CSGALNACT1: variants seen among roughly 807,000 people sequenced by gnomAD.
CSGALNACT1 encodes the protein chondroitin sulfate N-acetylgalactosaminyltransferase 1, also known as beta4GalNAcT-1.
Under a neutral mutation model 51.0 loss-of-function variants are expected in CSGALNACT1, and 52 were observed. The ratio of observed to expected loss-of-function variants is 1.02; its 90% CI spans 0.82 to 1.29. The LOEUF is 1.29. CSGALNACT1 is among the 50% of genes most tolerant of loss of function. CSGALNACT1 has a pLI of 0.00. For missense variants in CSGALNACT1, 935 were observed against 679.2 expected (o/e 1.38, Z -4.19); for synonymous variants, 341 against 254.4 (o/e 1.34, Z -3.24).
chr8:19,716,574 T>A (rs1223999979), intron 1 of CSGALNACT1, among the ~76,000 whole-genome samples: 1 of 118,814 alleles, frequency 8.4e-6, no homozygotes, highest in Non-Finnish European at 1.6e-5. Flanking sequence ...TGCCAGGAGT[T>A]CAAGGCCAGC....
intron 1 of CSGALNACT1, among the ~76,000 whole-genome samples, chr8:19,724,993 T>C (rs1348834502): frequency 6.6e-6 from 1 of 152,180 alleles, no homozygotes; most frequent in African/African-American, 2.4e-5. Flanking sequence ...TGATCTCTCC[T>C]CCCTGGCTTC....
intron 1 of CSGALNACT1, among the ~76,000 whole-genome samples, chr8:19,691,420 C>G (rs1328059467): frequency 6.6e-6 from 1 of 152,150 alleles, no homozygotes; most frequent in Non-Finnish European, 1.5e-5. Context: ...GGCCCAATTT[C>G]TTAAAACAAA....
chr8:19,583,951 G>C (rs1461644317), intron 3 of CSGALNACT1, among the ~76,000 whole-genome samples: 1 of 152,194 alleles, frequency 6.6e-6, no homozygotes, highest in African/African-American at 2.4e-5. Flanking sequence ...GCACCCTGCA[G>C]CCTTTGCGGC....
At chr8:19,586,701 A>G (rs1417660021) in intron 3 of CSGALNACT1, among the ~76,000 whole-genome samples, 2 of 152,290 alleles carry the variant, frequency 1.3e-5, no homozygotes, top group South Asian at 2.1e-4. Context: ...AGTACTTCTC[A>G]TAGACTGCTG....
intron 6 of CSGALNACT1, among the ~76,000 whole-genome samples, chr8:19,435,461 C>A (rs1011674608): frequency 2.0e-5 from 3 of 150,718 alleles, no homozygotes; most frequent in Non-Finnish European, 4.4e-5. Context: ...CCACTGCACT[C>A]CAGCCTGGTA....
At chr8:19,408,268 C>A (rs2054752912) in intron 9 of CSGALNACT1, among the ~76,000 whole-genome samples, 2 of 152,096 alleles carry the variant, frequency 1.3e-5, no homozygotes, top group Admixed American at 1.3e-4. Flanking sequence ...CCACCTACTA[C>A]CAGGCCCCCT....
intron 5 of CSGALNACT1, among the ~76,000 whole-genome samples, chr8:19,441,548 C>T (rs1316675492): frequency 1.3e-5 from 2 of 152,182 alleles, no homozygotes; most frequent in African/African-American, 2.4e-5. Flanking sequence ...CCCTTCCTTA[C>T]ACCTTATACA....
intron 4 of CSGALNACT1, among the ~76,000 whole-genome samples, chr8:19,482,109 A>C (rs943036210): frequency 1.3e-5 from 2 of 152,134 alleles, no homozygotes; most frequent in African/African-American, 4.8e-5. Context: ...AGAGCTCAGC[A>C]CAGCTACCGC....
At chr8:19,731,415 C>G (rs963398264) in intron 1 of CSGALNACT1, among the ~76,000 whole-genome samples, 1 of 152,204 alleles carries the variant, frequency 6.6e-6, no homozygotes, top group East Asian at 1.9e-4. Flanking sequence ...GGCTAAGGCA[C>G]GAGACTCCCT....
At chr8:19,688,507 C>A (rs1427705944) in intron 1 of CSGALNACT1, among the ~76,000 whole-genome samples, 1 of 152,136 alleles carries the variant, frequency 6.6e-6, no homozygotes, top group Non-Finnish European at 1.5e-5. Flanking sequence ...TAACCAGTGC[C>A]CATTGTATAT....
At chr8:19,460,846 T>C (rs2065206844) in intron 4 of CSGALNACT1, among the ~76,000 whole-genome samples, 1 of 152,168 alleles carries the variant, frequency 6.6e-6, no homozygotes, top group Non-Finnish European at 1.5e-5. Flanking sequence ...TTTCATCCTA[T>C]AGCACTGGTT....
chr8:19,689,271 G>A (rs1019786714), intron 1 of CSGALNACT1, among the ~76,000 whole-genome samples: 1 of 152,138 alleles, frequency 6.6e-6, no homozygotes, highest in Non-Finnish European at 1.5e-5. Flanking sequence ...GTATGACAAG[G>A]TCCAGGCAGC....
chr8:19,507,785 C>A (rs1228733125), intron 3 of CSGALNACT1, among the ~76,000 whole-genome samples: 1 of 152,124 alleles, frequency 6.6e-6, no homozygotes, highest in Non-Finnish European at 1.5e-5. Flanking sequence ...GCATCACCAC[C>A]CCTGGCTAAT....
intron 3 of CSGALNACT1, among the ~76,000 whole-genome samples, chr8:19,507,461 A>C (rs554421846): frequency 7.0e-6 from 1 of 142,012 alleles, no homozygotes; most frequent in African/African-American, 2.7e-5. Context: ...TTTCCACAGC[A>C]CACTCCTCTT....
At chr8:19,550,959 G>A (rs1419222880) in intron 3 of CSGALNACT1, among the ~76,000 whole-genome samples, 5 of 152,150 alleles carry the variant, frequency 3.3e-5, no homozygotes, top group African/African-American at 4.8e-5. Flanking sequence ...GTCCAGACAC[G>A]TGGTTAGAAT....
intron 3 of CSGALNACT1, among the ~76,000 whole-genome samples, chr8:19,567,690 G>C (rs994389587): frequency 6.6e-6 from 1 of 152,132 alleles, no homozygotes; most frequent in Non-Finnish European, 1.5e-5. Context: ...AAATTAGAAT[G>C]TCATTATTTA....
intron 4 of CSGALNACT1, among the ~76,000 whole-genome samples, chr8:19,475,808 T>C (rs1241512268): frequency 6.6e-6 from 1 of 152,194 alleles, no homozygotes; most frequent in Non-Finnish European, 1.5e-5. Context: ...ACAGCTCAGA[T>C]GACAAAGCCA....
At chr8:19,556,240 G>A (rs1343538451) in intron 3 of CSGALNACT1, among the ~76,000 whole-genome samples, 1 of 150,276 alleles carries the variant, frequency 6.7e-6, no homozygotes, top group Non-Finnish European at 1.5e-5. Context: ...GCTGGGCATG[G>A]TGGTGTATGC....
intron 3 of CSGALNACT1, among the ~76,000 whole-genome samples, chr8:19,509,742 A>G (rs768307398): frequency 1.3e-5 from 2 of 152,104 alleles, no homozygotes; most frequent in South Asian, 4.1e-4. Flanking sequence ...TCTCTGTGCA[A>G]TCTCCTTCTC....
Sources: allele counts gnomAD v4.1 joint callset (sites outside exome capture counted in the v4.1 genomes callset), GRCh38; gene constraint gnomAD v4.1.1; transcripts MANE v1.5; gene names NCBI Gene and HGNC (gene_info 2026-07-23, HGNC 2026-07-21).